KIF27: variants seen among roughly 807,000 people sequenced by gnomAD.
KIF27 encodes the protein kinesin-like protein KIF27.
A neutral mutation model predicts 141.8 loss-of-function variants in KIF27; 84 were observed. The observed-to-expected ratio is 0.59, with a 90% confidence interval of 0.50 to 0.71. The LOEUF is 0.71. Among genes scored for constraint, KIF27 ranks in the 30% least tolerant of loss-of-function variants. The pLI is 0.00. For missense variants in KIF27, 1,306 were observed against 1,628.4 expected (o/e 0.80, Z 3.41); for synonymous variants, 471 against 569.5 (o/e 0.83, Z 2.46).
At chr9:83,860,695 T>C (rs1277043363) in intron 13 of KIF27, among the ~76,000 whole-genome samples, 6 of 152,196 alleles carry the variant, frequency 3.9e-5, no homozygotes, top group African/African-American at 1.2e-4. Context: ...TGGAAACATT[T>C]TGCCTGGAGC....
intron 2 of KIF27, among the ~76,000 whole-genome samples, chr9:83,914,980 T>G (rs1955547704): frequency 6.6e-6 from 1 of 152,234 alleles, no homozygotes. Flanking sequence ...TGTTAAAGAA[T>G]GCAAAATCTA....
chr9:83,909,429 G>C (rs1227618968), intron 2 of KIF27, among the ~76,000 whole-genome samples: 1 of 152,050 alleles, frequency 6.6e-6, no homozygotes, highest in Non-Finnish European at 1.5e-5. Flanking sequence ...GGGAAACATG[G>C]TGAAACCCTG....
At chr9:83,909,551 T>C (rs936853396) in intron 2 of KIF27, among the ~76,000 whole-genome samples, 9 of 150,262 alleles carry the variant, frequency 6.0e-5, no homozygotes, top group African/African-American at 2.2e-4. Context: ...GAGGTGGAGG[T>C]TGCAGTGAGC....
intron 17 of KIF27, among the ~76,000 whole-genome samples, chr9:83,839,089 G>T (rs1261677353): frequency 6.6e-6 from 1 of 151,984 alleles, no homozygotes; most frequent in Non-Finnish European, 1.5e-5. Flanking sequence ...AAGCACAGGA[G>T]TTTGAGGCTA....
chr9:83,856,170 G>T (rs1161734511), intron 14 of KIF27, among the ~76,000 whole-genome samples: 8 of 152,116 alleles, frequency 5.3e-5, no homozygotes, highest in Non-Finnish European at 1.2e-4. Context: ...TTCTGATCCA[G>T]CAGGTCCACT....
chr9:83,880,492 G>C lies in KIF27; in HGVS notation c.2448C>G (p.Val816=), dbSNP rs752434982. ...TACTATCTTGTTGCTTCTTCTGCAA[G>C]ACCTGAGATCATATGGAATATTTCA... ...KMDAAKLRVQ[V]LQKKQQDSKK... The change falls in exon 11 of 18, where the codon GTC becomes GTG. Residue 816 remains valine (V), a splice_region_variant and synonymous_variant. Coordinates refer to ENST00000297814, the MANE Select transcript of KIF27 (RefSeq NM_017576.4). 6.2e-7 allele frequency: 1 copy of C among 1,607,356 alleles called. No individual in the cohort carries two copies. Among genetic ancestry groups the C allele is most frequent in the Non-Finnish European group, 8.5e-7 (1 of 1,177,934 alleles).
chr9:83,866,145 TG>T (rs1950336083), intron 13 of KIF27, among the ~76,000 whole-genome samples: 2 of 152,250 alleles, frequency 1.3e-5, no homozygotes, highest in East Asian at 1.9e-4. Context: ...TTCATGACTA[TG>T]CCCTGTTTTC....
chr9:83,848,249 GAT>G (rs1165921250), intron 16 of KIF27, among the ~76,000 whole-genome samples: 1 of 77,602 alleles, frequency 1.3e-5, no homozygotes, highest in Non-Finnish European at 2.5e-5. Flanking sequence ...TGATATATCA[GAT>G]ATGATATATA....
intron 3 of KIF27, among the ~76,000 whole-genome samples, chr9:83,907,737 A>G (rs1269239181): frequency 6.6e-6 from 1 of 152,214 alleles, no homozygotes; most frequent in Non-Finnish European, 1.5e-5. Context: ...AATCAAAGAA[A>G]AGAAAGGCAA....
chr9:83,920,261 G>A (rs947432652), intron 1 of KIF27, among the ~76,000 whole-genome samples: 1 of 152,100 alleles, frequency 6.6e-6, no homozygotes, highest in African/African-American at 2.4e-5. Context: ...CACAAACATA[G>A]GGCTTGTAAA....
chr9:83,903,233 C>T lies in KIF27; in HGVS notation c.1285G>A (p.Val429Ile), dbSNP rs780259075. ...TGTTGCTGCTTTTCGTTTAGTCTGACAGTATCTTTTAGGTCAACCAGGAAG... is the reference window on the plus strand; with the variant it reads ...TGTTGCTGCTTTTCGTTTAGTCTGATAGTATCTTTTAGGTCAACCAGGAAG... ...FTFLVDLKDT[V>I]RLNEKQQHKL... is the part of the protein sequence containing the mutation. Residue 429 changes from valine (V) to isoleucine (I), a missense_variant, in exon 4 of 18, where the codon GTC (valine) becomes ATC (isoleucine). Coordinates refer to ENST00000297814, the MANE Select transcript of KIF27 (RefSeq NM_017576.4). The T allele has an allele frequency of 3.7e-6, 6 of 1,614,034 alleles. No homozygotes were observed. Among genetic ancestry groups the T allele is most frequent in the Non-Finnish European group, 4.2e-6 (5 of 1,180,040 alleles).
At chr9:83,869,926 T>C (rs1044727107) in intron 12 of KIF27, among the ~76,000 whole-genome samples, 7 of 152,136 alleles carry the variant, frequency 4.6e-5, no homozygotes, top group Non-Finnish European at 1.5e-5. Flanking sequence ...ATAATAAAAG[T>C]TTCACTACTT....
At chr9:83,858,665 G>C (rs1409826534) in intron 14 of KIF27, 2 of 153,706 alleles carry the variant, frequency 1.3e-5, no homozygotes, top group African/African-American at 4.8e-5. Flanking sequence ...TTGGAATTTT[G>C]TGCATCTATT....
At chr9:83,879,052 C>T (rs1440144436) in intron 11 of KIF27, among the ~76,000 whole-genome samples, 2 of 150,840 alleles carry the variant, frequency 1.3e-5, no homozygotes, top group Middle Eastern at 6.8e-3. Flanking sequence ...GTGGTGCACG[C>T]CTGTAATCCC....
intron 11 of KIF27, among the ~76,000 whole-genome samples, chr9:83,871,633 T>C (rs1412208171): frequency 6.6e-6 from 1 of 152,040 alleles, no homozygotes; most frequent in African/African-American, 2.4e-5. Flanking sequence ...GAGAATAGAC[T>C]TGGAAGACAG....
intron 1 of KIF27, among the ~76,000 whole-genome samples, chr9:83,916,595 A>G (rs1187595488): frequency 6.6e-6 from 1 of 151,972 alleles, no homozygotes; most frequent in Admixed American, 6.5e-5. Flanking sequence ...ATTTAAATTG[A>G]TGGCTGTAGT....
At chr9:83,888,708 C>G (rs1052964056) in intron 7 of KIF27, 116 bp from the exon 8 acceptor site, 1 of 534,690 alleles carries the variant, frequency 1.9e-6, no homozygotes, top group Admixed American at 3.8e-5. Context: ...CATATAAAAA[C>G]AGAATGTTAC....
Position 83,903,195 on chromosome 9 carries a change from C to A in KIF27, c.1323G>T (p.Glu441Asp). ...TGACCTCTTGGATCATGTTAAACCA[C>A]TCCTGCAGTTTGTGTTGCTGCTTTT... ...LNEKQQHKLQ[E>D]WFNMIQEVRK... The change falls in exon 4 of 18, where the codon GAG becomes GAT. Residue 441 changes from glutamate to aspartate, a missense_variant. By Grantham distance (45) the Glu-to-Asp change is conservative. Transcript: ENST00000297814. 6.2e-7 allele frequency: 1 copy of A among 1,614,180 alleles called. No individual in the cohort carries two copies. Among genetic ancestry groups the A allele is most frequent in the Non-Finnish European group, 8.5e-7 (1 of 1,180,036 alleles).
intron 15 of KIF27, 125 bp from the exon 16 acceptor site, chr9:83,850,422 T>C (rs1399164235): frequency 6.9e-5 from 45 of 652,740 alleles, no homozygotes; most frequent in Middle Eastern, 3.5e-4. Flanking sequence ...TCCTGCCAGG[T>C]ATTGGGTCCT....
Sources: allele counts gnomAD v4.1 joint callset (sites outside exome capture counted in the v4.1 genomes callset), GRCh38; gene constraint gnomAD v4.1.1; transcripts MANE v1.5; gene names NCBI Gene and HGNC (gene_info 2026-07-23, HGNC 2026-07-21).